The following VPS37A variants were observed in gnomAD, a reference collection of about 807,000 sequenced individuals.
VPS37A encodes the protein VPS37A subunit of ESCRT-I.
VPS37A carries 30 observed loss-of-function variants against 49.8 expected under a neutral mutation model. That is an observed-to-expected ratio of 0.60 (90% CI 0.45 to 0.82). The LOEUF (loss-of-function observed/expected upper bound fraction) is 0.82, where lower values mean the gene tolerates loss of function less well. VPS37A is among the 40% of genes least tolerant of loss of function. The pLI, the probability that VPS37A is intolerant of heterozygous loss-of-function variation, is 0.00. For synonymous variants in VPS37A, 195 were observed against 160.6 expected (o/e 1.21, Z -1.62); for missense variants, 593 against 464.4 (o/e 1.28, Z -2.55).
Position 17,247,616 on chromosome 8 carries a change from A to G in VPS37A, c.125+247A>G, listed in dbSNP as rs1377449661. On this transcript the variant is annotated intron_variant, in intron 1 of 11. Transcript: ENST00000324849. ...CTCGGATTTCCTCATCCCTCCTGAC[A>G]CATAGCTGCTGACTGTAATCTCTCA... The G allele has an allele frequency of 1.8e-5, 13 of 706,128 alleles. 1 individual carries two copies. The highest frequency in any genetic ancestry group is 3.1e-5 in the Non-Finnish European group (12 of 388,284). The allele number at this position is 706,128 out of a possible 1,614,324, so 43.7% of individuals were successfully genotyped here. A position where few individuals can be genotyped will look rare whatever the true frequency, so the allele number is the denominator to read the frequency against.
chr8:17,331,759 A>G, the VPS37A span, among the ~76,000 whole-genome samples: 2 of 152,314 alleles, frequency 1.3e-5, no homozygotes, highest in African/African-American at 4.8e-5. Context: ...GCATCATTCT[A>G]ATTTGCCCAC....
At position 17,297,432 on chromosome 8, in the gene VPS37A, G is replaced by C. The variant is rs1816754509; in HGVS notation, c.*2446G>C. On this transcript the variant is annotated 3_prime_UTR_variant, in exon 12 of 12. Coordinates refer to ENST00000324849, the MANE Select transcript of VPS37A (RefSeq NM_152415.3). ...CAGCTCAGATTCATTTTTAGGAGAAGAAAGTAAACTAATGTGCTCTTAAAG... is the reference window on the plus strand; with the variant it reads ...CAGCTCAGATTCATTTTTAGGAGAACAAAGTAAACTAATGTGCTCTTAAAG... The C allele has an allele frequency of 6.6e-6, 1 of 151,864 alleles. No homozygotes were observed. Among genetic ancestry groups the C allele is most frequent in the Non-Finnish European group, 1.5e-5 (1 of 67,836 alleles). 9.4% of individuals were successfully genotyped at this position (151,864 alleles called of 1,614,324 possible). A position where few individuals can be genotyped will look rare whatever the true frequency, so the allele number is the denominator to read the frequency against.
At chr8:17,301,478 C>G (rs1470490837), downstream of VPS37A, among the ~76,000 whole-genome samples, 1 of 152,084 alleles carries the variant, frequency 6.6e-6, no homozygotes, top group African/African-American at 2.4e-5. Context: ...GCAGCAAAAA[C>G]CATTAAATAT....
chr8:17,248,492 T>C (rs150037521), intron 1 of VPS37A: 393 of 405,848 alleles, frequency 9.7e-4, no homozygotes, highest in African/African-American at 6.6e-3. Context: ...GTCAGGCTGG[T>C]CTCGAACTCC....
At position 17,280,073 on chromosome 8, in the gene VPS37A, A is replaced by G. The variant is rs752398479; in HGVS notation, c.759A>G (p.Leu253=). Residue 253 remains leucine (L), a synonymous_variant, in exon 7 of 12, where the codon CTA becomes CTG. Transcript: ENST00000324849. ...TDMNEQEEVL[L]EQFLTLPQLK... is the part of the protein sequence containing the mutation. ...TGAATGAACAAGAGGAGGTATTACT[A>G]GAACAGTTTCTGACTTTGCCTCAAC... 7.4e-6 allele frequency: 12 copies of G among 1,612,468 alleles called. No homozygotes were observed. Among genetic ancestry groups the G allele is most frequent in the South Asian group, 6.6e-5 (6 of 90,908 alleles).
chr8:17,258,270 T>C (rs1812660180), intron 1 of VPS37A, among the ~76,000 whole-genome samples: 2 of 152,204 alleles, frequency 1.3e-5, no homozygotes. Flanking sequence ...TTCACTATAA[T>C]GTCAACTGTG....
chr8:17,265,789 A>C lies in VPS37A; in HGVS notation c.126-118A>C, dbSNP rs754821031. 5.1e-6 allele frequency: 8 copies of C among 1,559,092 alleles called. No individual in the cohort carries two copies. The Admixed American group carries it at 9.3e-5, about 18-fold the overall frequency. ...CCTCAAGATACAAGTTATGCTGGCT[A>C]TCCAGATTCTGTGATTAAAAATAAA... On this transcript the variant is annotated intron_variant, in intron 1 of 11. Coordinates refer to ENST00000324849, the MANE Select transcript of VPS37A (RefSeq NM_152415.3).
At position 17,262,433 on chromosome 8, in the gene VPS37A, A is replaced by T. The variant is rs182597328; in HGVS notation, c.126-3474A>T. ...CAAAGTGATATATTATTACAGCTTT[A>T]TTTAGCCCCAACAAATTCAGAGCCA... On this transcript the variant is annotated intron_variant, in intron 1 of 11. Coordinates refer to ENST00000324849, the MANE Select transcript of VPS37A (RefSeq NM_152415.3). 5.6e-3 allele frequency among the ~76,000 whole-genome samples: 859 copies of T among 152,338 alleles called. 10 individuals carry two copies. Among genetic ancestry groups the T allele is most frequent in the Admixed American group, 9.2e-3 (141 of 15,304 alleles).
chr8:17,251,636 G>C (rs1210972573), intron 1 of VPS37A, among the ~76,000 whole-genome samples: 2 of 152,182 alleles, frequency 1.3e-5, no homozygotes, highest in Admixed American at 1.3e-4. Context: ...ATTCCAGACA[G>C]TTAGTTTCTT....
At chr8:17,278,137 T>C (rs1586024502) in intron 6 of VPS37A, among the ~76,000 whole-genome samples, 1 of 152,194 alleles carries the variant, frequency 6.6e-6, no homozygotes, top group East Asian at 1.9e-4. Flanking sequence ...TGGCTAGAAG[T>C]AGACAAGGTT....
chr8:17,322,844 A>G, the VPS37A span, among the ~76,000 whole-genome samples: 1 of 151,404 alleles, frequency 6.6e-6, no homozygotes, highest in East Asian at 1.9e-4. Context: ...AAATATATGT[A>G]TGTGTGTGCC....
At chr8:17,317,145 G>T in the VPS37A span, among the ~76,000 whole-genome samples, 4 of 152,144 alleles carry the variant, frequency 2.6e-5, no homozygotes. Flanking sequence ...TGTGTTGTGG[G>T]GGTGTGGTCT....
chr8:17,254,143 G>A (rs1184446249), intron 1 of VPS37A, among the ~76,000 whole-genome samples: 2 of 151,930 alleles, frequency 1.3e-5, no homozygotes, highest in Admixed American at 6.6e-5. Context: ...TGACGTTCTC[G>A]TTTCTGTATT....
chr8:17,284,706 C>G (rs1239333957), intron 10 of VPS37A, 90 bp downstream of exon 10: 1 of 1,394,132 alleles, frequency 7.2e-7, no homozygotes, highest in Non-Finnish European at 9.6e-7. Flanking sequence ...AGCTATTTCT[C>G]TATTATGATA....
At chr8:17,283,760 T>G (rs1028364418) in intron 9 of VPS37A, among the ~76,000 whole-genome samples, 4 of 152,206 alleles carry the variant, frequency 2.6e-5, no homozygotes, top group Admixed American at 1.3e-4. Flanking sequence ...TGTTAGTAAC[T>G]TGACATGAGG....
At chr8:17,269,198 T>C (rs1813754247) in intron 4 of VPS37A, among the ~76,000 whole-genome samples, 1 of 152,188 alleles carries the variant, frequency 6.6e-6, no homozygotes, top group South Asian at 2.1e-4. Context: ...TTAGATATTA[T>C]CTGTTGGCCT....
At chr8:17,302,336 ATCC>A, downstream of VPS37A, 1 of 1,559,332 alleles carries the variant, frequency 6.4e-7, no homozygotes, top group Admixed American at 2.0e-5. Context: ...GAAAATTCAC[ATCC>A]TCAAGTCTTC....
At chr8:17,279,663 T>G (rs1814849608) in intron 6 of VPS37A, 1 of 351,568 alleles carries the variant, frequency 2.8e-6, no homozygotes, top group African/African-American at 2.2e-5. Flanking sequence ...CTGAATAAGC[T>G]CCTTAGTTTC....
chr8:17,311,680 AAAAAGGCAGAACCTCTCATCACAGCC>A, the VPS37A span: 1 of 1,612,736 alleles, frequency 6.2e-7, no homozygotes, highest in Non-Finnish European at 8.5e-7. Context: ...GAATGGCTGT[AAAAAGGCAGAACCTCTCATCACAGCC>A]AGGTTTGACT....
Sources: gnomAD v4.1 joint callset for allele counts (sites outside exome capture counted in the v4.1 genomes callset) on GRCh38, gnomAD v4.1.1 for gene constraint, MANE v1.5 for transcripts, NCBI Gene and HGNC (gene_info 2026-07-23, HGNC 2026-07-21) for gene names.